COMT: variants seen among roughly 807,000 people sequenced by gnomAD.
The protein encoded by COMT is catechol O-methyltransferase.
A neutral mutation model predicts 18.9 loss-of-function variants in COMT; 13 were observed. That is an observed-to-expected ratio of 0.69 (90% CI 0.45 to 1.09). The LOEUF (loss-of-function observed/expected upper bound fraction) is 1.09, where lower values mean the gene tolerates loss of function less well. Ranked by LOEUF, COMT falls within the 50% of genes least tolerant of loss-of-function variation. The pLI is 0.00. For synonymous variants in COMT, 150 were observed against 160.9 expected (o/e 0.93, Z 0.51); for missense variants, 329 against 361.8 (o/e 0.91, Z 0.73).
At chr22:19,951,964 C>A (rs1019629073) in intron 1 of COMT, among the ~76,000 whole-genome samples, 1 of 152,082 alleles carries the variant, frequency 6.6e-6, no homozygotes, top group Non-Finnish European at 1.5e-5. Context: ...CTCAGGCAGG[C>A]GCTTTGAAGG....
chr22:19,946,633 C>G (rs1190254480), intron 1 of COMT, among the ~76,000 whole-genome samples: 1 of 152,144 alleles, frequency 6.6e-6, no homozygotes, highest in Non-Finnish European at 1.5e-5. Context: ...GAGTAAAACT[C>G]TAATGACAAA....
intron 1 of COMT, among the ~76,000 whole-genome samples, chr22:19,956,368 CTCT>C (rs1942062997): frequency 1.2e-5 from 1 of 85,158 alleles, no homozygotes; most frequent in Admixed American, 1.4e-4. Context: ...GTCTTGAGCT[CTCT>C]TTTTTTTTTT....
intron 5 of COMT, chr22:19,965,731 G>A (rs968851665): frequency 2.0e-5 from 3 of 152,088 alleles, no homozygotes; most frequent in South Asian, 2.1e-4. Flanking sequence ...GCTGTGGGGA[G>A]GGCATTTCAG....
chr22:19,957,560 G>A (rs1350057527), intron 1 of COMT, among the ~76,000 whole-genome samples: 1 of 152,264 alleles, frequency 6.6e-6, no homozygotes, highest in Non-Finnish European at 1.5e-5. Context: ...GCCTGGCACT[G>A]AGGCCCAGAA....
Position 19,964,161 on chromosome 22 carries a change from G to A in COMT, c.484-7G>A, listed in dbSNP as rs1260579240. 6.2e-7 allele frequency: 1 copy of A among 1,614,066 alleles called. No individual in the cohort carries two copies. Among genetic ancestry groups the A allele is most frequent in the East Asian group, 2.2e-5 (1 of 44,886 alleles). ...GAGGACGTGGGCACTGACAGGCGCTGTTCCAGGTCACCCTTGTGGTTGGAG... is the reference window on the plus strand; with the variant it reads ...GAGGACGTGGGCACTGACAGGCGCTATTCCAGGTCACCCTTGTGGTTGGAG... On this transcript the variant is annotated splice_region_variant and splice_polypyrimidine_tract_variant and intron_variant, in intron 4 of 5. Transcript: ENST00000361682.
At chr22:19,957,304 G>T (rs1942086865) in intron 1 of COMT, among the ~76,000 whole-genome samples, 1 of 152,106 alleles carries the variant, frequency 6.6e-6, no homozygotes, top group Non-Finnish European at 1.5e-5. Context: ...GTGCACCTGT[G>T]GTCCCAGCTA....
rs931653147 is a variant in COMT at position 19,962,619 on chromosome 22, G to A, written c.93G>A (p.Trp31Ter). ...TGCTGCTTCTGAGGCACTGGGGCTG[G>A]GGCCTGTGCCTTATCGGCTGGAACG... ...VLLLLLRHWG[W>*]GLCLIGWNEF... is the part of the protein sequence containing the mutation. Residue 31 changes from tryptophan to a stop codon, truncating the protein, a stop_gained, in exon 3 of 6, where the codon TGG becomes TGA. Transcript: ENST00000361682. LOFTEE classifies it high-confidence loss of function. 14 of 1,602,832 alleles carry A rather than the reference G, an allele frequency of 8.7e-6. No homozygotes were observed. The highest frequency in any genetic ancestry group is 8.0e-5 in the African/African-American group (6 of 74,706).
intron 1 of COMT, among the ~76,000 whole-genome samples, chr22:19,942,582 A>AT (rs766208809): frequency 5.3e-5 from 8 of 151,960 alleles, no homozygotes; most frequent in Non-Finnish European, 1.0e-4. Flanking sequence ...TGCTTTTTGG[A>AT]TTTTTCCAGC....
At position 19,968,829 on chromosome 22, in the gene COMT, G is replaced by A; in HGVS notation, c.*93G>A. 1 of 1,266,590 alleles carries A rather than the reference G, an allele frequency of 7.9e-7. No homozygotes were observed. The highest frequency in any genetic ancestry group is 1.1e-6 in the Non-Finnish European group (1 of 897,528). 78.5% of individuals were successfully genotyped at this position (1,266,590 alleles called of 1,614,324 possible). On this transcript the variant is annotated 3_prime_UTR_variant, in exon 6 of 6. Transcript: ENST00000361682. ...TGCTGACCTTCTGCGGCTCCGGGCT[G>A]TGTCCTAAATGCAAAGCACACCTCG...
intron 5 of COMT, chr22:19,967,225 G>C (rs1169902099): frequency 1.5e-6 from 2 of 1,304,060 alleles, no homozygotes; most frequent in Non-Finnish European, 2.0e-6. Flanking sequence ...GACCAGATTG[G>C]GCTCCTGAGT....
At chr22:19,952,308 C>T (rs971851229) in intron 1 of COMT, among the ~76,000 whole-genome samples, 1 of 150,164 alleles carries the variant, frequency 6.7e-6, no homozygotes, top group African/African-American at 2.5e-5. Context: ...CGCCACTGCA[C>T]TCCCGCCTGG....
chr22:19,964,203 C>G lies in COMT; in HGVS notation c.519C>G (p.Ile173Met), dbSNP rs145561434. Residue 173 changes from isoleucine to methionine, a missense_variant, in exon 5 of 6, where the codon ATC becomes ATG. Coordinates refer to ENST00000361682, the MANE Select transcript of COMT (RefSeq NM_000754.4). The part of the protein sequence containing the change: ...TLVVGASQDI[I>M]PQLKKKYDVD... ...TGGTTGGAGCGTCCCAGGACATCAT[C>G]CCCCAGCTGAAGAAGAAGTATGATG... is the stretch of plus-strand genomic sequence containing the variant. The G allele has an allele frequency of 3.1e-6, 5 of 1,614,030 alleles. No individual in the cohort carries two copies. Among genetic ancestry groups the G allele is most frequent in the Non-Finnish European group, 4.2e-6 (5 of 1,180,038 alleles).
At chr22:19,967,543 G>T (rs753662100) in intron 5 of COMT, 4 of 381,302 alleles carry the variant, frequency 1.0e-5, no homozygotes, top group Non-Finnish European at 2.1e-5. Context: ...TTTCTCTGCA[G>T]CATACAGGCT....
At chr22:19,944,025 G>A (rs1941795283) in intron 1 of COMT, among the ~76,000 whole-genome samples, 1 of 152,134 alleles carries the variant, frequency 6.6e-6, no homozygotes, top group Non-Finnish European at 1.5e-5. Flanking sequence ...CAGTCTGCAG[G>A]GCTGTTTTTT....
chr22:19,962,416 C>A, intron 2 of COMT, 111 bp from the exon 3 acceptor site: 1 of 1,505,102 alleles, frequency 6.6e-7, no homozygotes, highest in Non-Finnish European at 8.9e-7. Context: ...ATTTCTGAAC[C>A]TTGCCCCTCT....
At chr22:19,942,751 C>T (rs9332316) in intron 1 of COMT, among the ~76,000 whole-genome samples, 1,626 of 152,304 alleles carry the variant, frequency 0.011, 21 homozygotes, top group Middle Eastern at 0.02. Flanking sequence ...AAAGCTGGCT[C>T]CATGCTGATT....
intron 5 of COMT, chr22:19,967,572 C>A (rs1319333920): frequency 5.4e-6 from 2 of 367,454 alleles, no homozygotes; most frequent in Non-Finnish European, 1.1e-5. Context: ...CCGCCACCCA[C>A]CACCAGGACA....
Position 19,968,992 on chromosome 22 carries a change from A to G in COMT, c.*256A>G, listed in dbSNP as rs1053135372. On this transcript the variant is annotated 3_prime_UTR_variant, in exon 6 of 6. Coordinates refer to ENST00000361682, the MANE Select transcript of COMT (RefSeq NM_000754.4). ...TATACTAATATCATGTTTTAAAAAT[A>G]TAAAATAGAAATTAAGAATCTAAAT... 9.8e-5 allele frequency: 38 copies of G among 386,722 alleles called. No individual in the cohort carries two copies. The highest frequency in any genetic ancestry group is 7.6e-4 in the African/African-American group (37 of 48,914). 24.0% of individuals were successfully genotyped at this position (386,722 alleles called of 1,614,324 possible).
In COMT at chr22:19,968,695, A is replaced by G. The variant is rs1233424008; in HGVS notation, c.775A>G (p.Lys259Glu). 6.2e-7 allele frequency: 1 copy of G among 1,613,490 alleles called. No individual in the cohort carries two copies. Among genetic ancestry groups the G allele is most frequent in the Non-Finnish European group, 8.5e-7 (1 of 1,179,978 alleles). Residue 259 changes from lysine to glutamate, a missense_variant, in exon 6 of 6, where the codon AAG (lysine) becomes GAG (glutamate). Lys to Glu is a moderately conservative substitution (Grantham distance 56, BLOSUM62 1). Coordinates refer to ENST00000361682, the MANE Select transcript of COMT (RefSeq NM_000754.4). ...CAGGGAGGTGGTGGACGGCCTGGAG[A>G]AGGCCATCTACAAGGGCCCAGGCAG... ...EYREVVDGLE[K>E]AIYKGPGSEA...
Sources: gnomAD v4.1 joint callset for allele counts (sites outside exome capture counted in the v4.1 genomes callset) on GRCh38, gnomAD v4.1.1 for gene constraint, MANE v1.5 for transcripts, NCBI Gene and HGNC (gene_info 2026-07-23, HGNC 2026-07-21) for gene names.